Variants in TRAPPC9 observed in about 807,000 individuals in gnomAD.
TRAPPC9 encodes IKK2 binding protein.
TRAPPC9 carries 83 observed loss-of-function variants against 124.0 expected under a neutral mutation model. That is an observed-to-expected ratio of 0.67 (90% CI 0.56 to 0.80). TRAPPC9 has a LOEUF of 0.80. TRAPPC9 is among the 30% of genes least tolerant of loss of function. TRAPPC9 has a pLI of 0.00. For missense variants in TRAPPC9, 1,302 were observed against 1,508.3 expected, an observed-to-expected ratio of 0.86 and a Z score of 2.27; for synonymous variants, 638 against 617.5, an observed-to-expected ratio of 1.03 and a Z score of -0.49.
intron 19 of TRAPPC9, among the ~76,000 whole-genome samples, chr8:139,980,147 T>A (rs536042783): frequency 2.0e-5 from 3 of 152,070 alleles, no homozygotes; most frequent in Non-Finnish European, 4.4e-5. Flanking sequence ...TCTAACAAGA[T>A]GCCAACCCCG....
intron 18 of TRAPPC9, among the ~76,000 whole-genome samples, chr8:139,994,184 G>A (rs1160134366): frequency 6.6e-6 from 1 of 152,246 alleles, no homozygotes; most frequent in Non-Finnish European, 1.5e-5. Flanking sequence ...CAGGAAGCAT[G>A]TAGAGTAGGC....
rs756089854 is a variant in TRAPPC9 at position 140,426,640 on chromosome 8, C to G, written c.861G>C (p.Gly287=). 46 of 1,613,724 alleles carry G rather than the reference C, an allele frequency of 2.9e-5. No homozygotes were observed. The highest frequency in any genetic ancestry group is 3.6e-5 in the Non-Finnish European group (43 of 1,179,818). Residue 287 remains glycine (G), a splice_region_variant and synonymous_variant, in exon 5 of 23, where the codon GGG becomes GGC. Coordinates refer to ENST00000438773, the MANE Select transcript of TRAPPC9 (RefSeq NM_001160372.4). ...CTGGATCAATGAGAACTTCCTGTGC[C>G]CCTGGAAGAAAGAACAGATTATGGT... ...PAEAANRHRP[G]AQEVLIDPGA... is the part of the protein sequence containing the mutation.
chr8:139,979,635 C>T (rs923291103), intron 19 of TRAPPC9, among the ~76,000 whole-genome samples: 2 of 152,202 alleles, frequency 1.3e-5, no homozygotes, highest in East Asian at 1.9e-4. Flanking sequence ...GCAAAGTCTA[C>T]GAACCTCTAG....
chr8:139,858,125 A>G (rs1265379581), intron 21 of TRAPPC9, among the ~76,000 whole-genome samples: 1 of 152,252 alleles, frequency 6.6e-6, no homozygotes, highest in Non-Finnish European at 1.5e-5. Flanking sequence ...AATGAAATCT[A>G]AAAACATTAT....
At chr8:139,861,844 C>A (rs11783687) in intron 21 of TRAPPC9, among the ~76,000 whole-genome samples, 1 of 151,868 alleles carries the variant, frequency 6.6e-6, no homozygotes, top group Non-Finnish European at 1.5e-5. Context: ...CTCCATCCCC[C>A]ACAAAAGCAG....
Position 140,257,336 on chromosome 8 carries a change from G to A in TRAPPC9, c.2279-4407C>T, listed in dbSNP as rs1203288525. 1.3e-5 allele frequency among the ~76,000 whole-genome samples: 2 copies of A among 152,206 alleles called. No homozygotes were observed. The highest frequency in any genetic ancestry group is 4.8e-5 in the African/African-American group (2 of 41,452). On this transcript the variant is annotated intron_variant, in intron 15 of 22. Coordinates refer to ENST00000438773, the MANE Select transcript of TRAPPC9 (RefSeq NM_001160372.4). The surrounding 1 kb of genome is among the most constrained non-coding windows in gnomAD (Gnocchi z 4.6). Reference sequence around the variant, plus strand: ...AACGCAGTTGCTGCCTCTTCTCCACGCAGCAGTGCTGGCACTGGCCTGGGC... The same window carrying A: ...AACGCAGTTGCTGCCTCTTCTCCACACAGCAGTGCTGGCACTGGCCTGGGC...
At chr8:139,981,469 C>T (rs1330880925) in intron 19 of TRAPPC9, among the ~76,000 whole-genome samples, 4 of 152,204 alleles carry the variant, frequency 2.6e-5, no homozygotes. Flanking sequence ...GCAGAAGGAA[C>T]ACAGAGGGAT....
intron 17 of TRAPPC9, among the ~76,000 whole-genome samples, chr8:140,091,079 A>G (rs1036716898): frequency 5.3e-5 from 8 of 152,186 alleles, no homozygotes; most frequent in Non-Finnish European, 1.2e-4. Flanking sequence ...CAAGTCATAA[A>G]AGGCAAAACC....
intron 21 of TRAPPC9, among the ~76,000 whole-genome samples, chr8:139,764,921 GTC>G (rs940992657): frequency 3.3e-5 from 5 of 152,190 alleles, no homozygotes; most frequent in African/African-American, 1.2e-4. Context: ...CCGCACTCCT[GTC>G]TCTCTGCAAT....
At chr8:139,942,595 G>A (rs1197393465) in intron 19 of TRAPPC9, among the ~76,000 whole-genome samples, 1 of 152,198 alleles carries the variant, frequency 6.6e-6, no homozygotes, top group Non-Finnish European at 1.5e-5. Flanking sequence ...GTACATCTGA[G>A]CAAGCTCCAA....
chr8:139,897,316 A>G (rs1830725864), intron 20 of TRAPPC9, among the ~76,000 whole-genome samples: 1 of 152,224 alleles, frequency 6.6e-6, no homozygotes, highest in South Asian at 2.1e-4. Flanking sequence ...AGCCCTGCTC[A>G]GTTTAACCTT....
At chr8:139,918,058 T>C (rs1361536414) in intron 19 of TRAPPC9, among the ~76,000 whole-genome samples, 6 of 152,172 alleles carry the variant, frequency 3.9e-5, no homozygotes, top group African/African-American at 1.2e-4. Context: ...TGGGAGAAAC[T>C]TGGGGAGGTG....
chr8:139,913,105 T>C lies in TRAPPC9; in HGVS notation c.2811-2805A>G, dbSNP rs1242055364. Among the ~76,000 whole-genome samples the C allele has an allele frequency of 3.9e-5, 6 of 152,212 alleles. No individual in the cohort carries two copies. The East Asian group carries it at 5.8e-4, about 15-fold the overall frequency. On this transcript the variant is annotated intron_variant, in intron 19 of 22. Transcript: ENST00000438773. ...AGCACACGCTGGATGCTGCGGCCAC[T>C]GGAACTACAACGGTGTGATATCTAA...
intron 17 of TRAPPC9, chr8:140,098,424 GCGCGGCTT>G (rs2060497328): frequency 6.8e-6 from 1 of 146,870 alleles, no homozygotes; most frequent in African/African-American, 2.5e-5. Flanking sequence ...AGGTCTTCAA[GCGCGGCTT>G]CAGCAGCACC....
intron 17 of TRAPPC9, among the ~76,000 whole-genome samples, chr8:140,101,869 T>C (rs534808449): frequency 8.4e-6 from 1 of 118,530 alleles, no homozygotes; most frequent in East Asian, 2.0e-4. Flanking sequence ...TGTTTTTTCC[T>C]TTTTTTTTTT....
At chr8:140,073,358 A>T (rs1843299287) in intron 17 of TRAPPC9, among the ~76,000 whole-genome samples, 1 of 152,382 alleles carries the variant, frequency 6.6e-6, no homozygotes, top group Non-Finnish European at 1.5e-5. Context: ...CATGCAATGG[A>T]TTACTAATTG....
At chr8:140,392,995 A>G (rs1374816976) in intron 7 of TRAPPC9, among the ~76,000 whole-genome samples, 4 of 149,986 alleles carry the variant, frequency 2.7e-5, no homozygotes, top group African/African-American at 7.3e-5. Flanking sequence ...ACTTACAGCA[A>G]CTCTAGAAAG....
intron 15 of TRAPPC9, among the ~76,000 whole-genome samples, chr8:140,269,553 AAAATAAAT>A (rs61634673): frequency 0.015 from 1,679 of 113,820 alleles, 22 homozygotes; most frequent in African/African-American, 0.037. Flanking sequence ...AAAATAAAAT[AAAATAAAT>A]AAATAAATAA....
chr8:139,886,024 G>A (rs375794234), intron 20 of TRAPPC9, 55 bp from the exon 21 acceptor site: 51 of 1,496,268 alleles, frequency 3.4e-5, no homozygotes, highest in African/African-American at 1.5e-4. Flanking sequence ...ACAGAAGAAC[G>A]TCTAGAAGTC....
Sources: gnomAD v4.1 joint callset for allele counts (sites outside exome capture counted in the v4.1 genomes callset) on GRCh38, gnomAD v4.1.1 for gene constraint, Gnocchi (gnomAD v3.1) non-coding constraint, MANE v1.5 for transcripts, NCBI Gene and HGNC (gene_info 2026-07-23, HGNC 2026-07-21) for gene names.